The following IL18R1 variants were observed in gnomAD, a reference collection of about 807,000 sequenced individuals.
The protein encoded by IL18R1 is interleukin 18 receptor 1.
In IL18R1, 40 loss-of-function variants were observed where a neutral mutation model predicts 48.5. The ratio of observed to expected loss-of-function variants is 0.82; its 90% CI spans 0.64 to 1.07. The LOEUF is 1.07. Among genes scored for constraint, IL18R1 ranks in the 50% least tolerant of loss-of-function variants. The pLI is 0.00. For missense variants in IL18R1, 596 were observed against 633.7 expected (o/e 0.94, Z 0.64); for synonymous variants, 232 against 225.9 (o/e 1.03, Z -0.24).
chr2:102,371,515 A>AAT (rs1044215940), intron 3 of IL18R1, among the ~76,000 whole-genome samples: 13 of 152,168 alleles, frequency 8.5e-5, no homozygotes, highest in African/African-American at 7.2e-5. Context: ...AACAAAACCT[A>AAT]ATATATATAT....
At chr2:102,392,396 C>G (rs949807994) in intron 9 of IL18R1, among the ~76,000 whole-genome samples, 3 of 152,138 alleles carry the variant, frequency 2.0e-5, no homozygotes, top group African/African-American at 7.2e-5. Flanking sequence ...CTTTCTGGAG[C>G]TAAGATTTCT....
chr2:102,362,688 C>A lies in IL18R1; in HGVS notation c.28C>A (p.Leu10Ile). The change falls in exon 2 of 11, where the codon CTT (leucine) becomes ATT (isoleucine). Residue 10 changes from leucine to isoleucine, a missense_variant. Transcript: ENST00000233957. MNCRELPLTLWVLISVSTAE... is the reference protein window; with the variant it reads MNCRELPLTIWVLISVSTAE... ...GAATTGTAGAGAATTACCCTTGACC[C>A]TTTGGGTGCTTATATCTGTAAGCAC... The A allele has an allele frequency of 6.2e-7, 1 of 1,606,178 alleles. No homozygotes were observed. Among genetic ancestry groups the A allele is most frequent in the African/African-American group, 1.3e-5 (1 of 74,660 alleles).
chr2:102,386,916 G>A lies in IL18R1; in HGVS notation c.865G>A (p.Glu289Lys), dbSNP rs150385713. The A allele has an allele frequency of 2.5e-5, 41 of 1,614,006 alleles. No individual in the cohort carries two copies. The African/African-American group carries it at 4.5e-4, about 18-fold the overall frequency. Residue 289 changes from glutamate (E) to lysine (K), a missense_variant, in exon 8 of 11, where the codon GAA (glutamate) becomes AAA (lysine). Coordinates refer to ENST00000233957, the MANE Select transcript of IL18R1 (RefSeq NM_003855.5). ...AGTATTGAGAATTGAAAATATTGGT[G>A]AAAGCAATCTAAATGTTTTATATAA... is the stretch of plus-strand genomic sequence containing the variant. ...SKVLRIENIG[E>K]SNLNVLYNCT...
chr2:102,376,245 T>C (rs868607137), intron 5 of IL18R1, among the ~76,000 whole-genome samples, 182 bp downstream of exon 5: 25 of 152,312 alleles, frequency 1.6e-4, no homozygotes, highest in Middle Eastern at 6.8e-3. Context: ...AAATAAACCT[T>C]TCTTTTTGGC....
chr2:102,390,000 C>T, intron 8 of IL18R1, 56 bp from the exon 9 acceptor site: 2 of 1,571,466 alleles, frequency 1.3e-6, no homozygotes. Context: ...TGATGATGGA[C>T]AACACTGGTA....
chr2:102,374,027 G>T (rs185529018), intron 4 of IL18R1: 53 of 357,958 alleles, frequency 1.5e-4, no homozygotes, highest in Middle Eastern at 9.4e-4. Flanking sequence ...ATATATTACA[G>T]TGTAATAACA....
chr2:102,394,095 G>T (rs926153171), intron 9 of IL18R1, among the ~76,000 whole-genome samples: 1 of 152,132 alleles, frequency 6.6e-6, no homozygotes, highest in African/African-American at 2.4e-5. Context: ...CATAGAAATT[G>T]TGATGGTGGT....
chr2:102,356,670 T>C (rs1678268201), intron 1 of IL18R1, among the ~76,000 whole-genome samples: 1 of 152,212 alleles, frequency 6.6e-6, no homozygotes, highest in Non-Finnish European at 1.5e-5. Context: ...TTTAAGTGCT[T>C]ACTGTGTGCC....
intron 10 of IL18R1, among the ~76,000 whole-genome samples, chr2:102,396,289 T>A (rs2105138279): frequency 6.6e-6 from 1 of 152,210 alleles, no homozygotes; most frequent in Non-Finnish European, 1.5e-5. Flanking sequence ...AATGAGTTAA[T>A]ATACAAAAAA....
chr2:102,374,951 A>G (rs1038464106), intron 4 of IL18R1, among the ~76,000 whole-genome samples: 5 of 152,230 alleles, frequency 3.3e-5, no homozygotes, highest in Non-Finnish European at 7.3e-5. Context: ...ATTGGAAAGG[A>G]AAATGAAGAG....
At chr2:102,361,904 A>G (rs1474932092) in intron 1 of IL18R1, among the ~76,000 whole-genome samples, 4 of 152,216 alleles carry the variant, frequency 2.6e-5, no homozygotes, top group Non-Finnish European at 4.4e-5. Context: ...CCACTGGGAC[A>G]CAGTCAATGT....
chr2:102,381,383 C>T (rs1679908713), intron 5 of IL18R1, among the ~76,000 whole-genome samples: 1 of 152,194 alleles, frequency 6.6e-6, no homozygotes, highest in African/African-American at 2.4e-5. Flanking sequence ...GGATGGGCAT[C>T]TTCCTCTGCC....
chr2:102,364,591 A>G (rs1441818840), intron 2 of IL18R1, among the ~76,000 whole-genome samples: 2 of 152,230 alleles, frequency 1.3e-5, no homozygotes. Context: ...TAGAGATTGT[A>G]TTGCAACCAG....
At chr2:102,393,614 T>C (rs1680663076) in intron 9 of IL18R1, among the ~76,000 whole-genome samples, 1 of 152,210 alleles carries the variant, frequency 6.6e-6, no homozygotes, top group Non-Finnish European at 1.5e-5. Context: ...GTTGCAGTTA[T>C]ATGTAGCCTC....
chr2:102,362,652 A>G lies in IL18R1; in HGVS notation c.-9A>G. On this transcript the variant is annotated 5_prime_UTR_variant, in exon 2 of 11. Coordinates refer to ENST00000233957, the MANE Select transcript of IL18R1 (RefSeq NM_003855.5). ...TTCCAGAGAAGCCATTTGAAGCAGA[A>G]TCCAAACCATGAATTGTAGAGAATT... 1 of 1,601,202 alleles carries G rather than the reference A, an allele frequency of 6.2e-7. No homozygotes were observed. Among genetic ancestry groups the G allele is most frequent in the Non-Finnish European group, 8.5e-7 (1 of 1,175,982 alleles).
At chr2:102,385,419 G>T (rs1301308574) in intron 7 of IL18R1, among the ~76,000 whole-genome samples, 1 of 152,150 alleles carries the variant, frequency 6.6e-6, no homozygotes, top group African/African-American at 2.4e-5. Flanking sequence ...CATATTGATA[G>T]TTAAATAAGC....
intron 9 of IL18R1, among the ~76,000 whole-genome samples, chr2:102,393,024 TAGGTA>T (rs1398414563): frequency 1.3e-5 from 2 of 152,218 alleles, no homozygotes; most frequent in African/African-American, 4.8e-5. Flanking sequence ...TAATTTTTCA[TAGGTA>T]AGAGCAAAGC....
At chr2:102,379,737 C>T (rs1441187518) in intron 5 of IL18R1, among the ~76,000 whole-genome samples, 1 of 152,160 alleles carries the variant, frequency 6.6e-6, no homozygotes, top group African/African-American at 2.4e-5. Context: ...AACTCCTAGA[C>T]AGAAAGGCAG....
intron 2 of IL18R1, among the ~76,000 whole-genome samples, chr2:102,364,327 C>T (rs1029146316): frequency 6.6e-6 from 1 of 152,280 alleles, no homozygotes; most frequent in South Asian, 2.1e-4. Flanking sequence ...AATGGTAACA[C>T]GATTAGATAC....
Sources: allele counts gnomAD v4.1 joint callset (sites outside exome capture counted in the v4.1 genomes callset), GRCh38; gene constraint gnomAD v4.1.1; transcripts MANE v1.5; gene names NCBI Gene and HGNC (gene_info 2026-07-23, HGNC 2026-07-21).